The following MECOM variants were observed in gnomAD, a reference collection of about 807,000 sequenced individuals.
MECOM encodes the protein MDS1 and EVI1 complex locus.
In MECOM, 13 loss-of-function variants were observed where a neutral mutation model predicts 116.3. That is an observed-to-expected ratio of 0.11 (90% CI 0.07 to 0.18). The LOEUF (loss-of-function observed/expected upper bound fraction) is 0.18. Ranked by LOEUF, MECOM falls within the 10% of genes least tolerant of loss-of-function variation. The pLI is 1.00. For missense variants in MECOM, 1,299 were observed against 1,509.0 expected (o/e 0.86, Z 2.31); for synonymous variants, 528 against 535.2 (o/e 0.99, Z 0.19).
At chr3:169,477,583 C>A (rs530456016) in intron 1 of MECOM, among the ~76,000 whole-genome samples, 1 of 152,178 alleles carries the variant, frequency 6.6e-6, no homozygotes, top group South Asian at 2.1e-4. Context: ...AGAGGCTCTG[C>A]GTCCTGCTCC....
At chr3:169,313,031 A>G (rs1719094914) in intron 2 of MECOM, among the ~76,000 whole-genome samples, 1 of 152,364 alleles carries the variant, frequency 6.6e-6, no homozygotes, top group African/African-American at 2.4e-5. Flanking sequence ...AAAGAGGACA[A>G]GTAACCACAA....
chr3:169,622,438 A>G (rs190773354), intron 1 of MECOM, among the ~76,000 whole-genome samples: 1 of 152,312 alleles, frequency 6.6e-6, no homozygotes, highest in East Asian at 1.9e-4. Flanking sequence ...TTAGACTAAC[A>G]TCACTTCCAG....
chr3:169,599,984 TTTTCTGAGACAGGGCCTCGC>T (rs1767634431), intron 1 of MECOM, among the ~76,000 whole-genome samples: 1 of 152,164 alleles, frequency 6.6e-6, no homozygotes, highest in South Asian at 2.1e-4. Flanking sequence ...TTACTTTTTT[TTTTCTGAGACAGGGCCTCGC>T]TCTGTCCCCC....
chr3:169,234,770 C>A (rs896558569), intron 2 of MECOM, among the ~76,000 whole-genome samples: 2 of 152,128 alleles, frequency 1.3e-5, no homozygotes, highest in Non-Finnish European at 2.9e-5. Context: ...GCTTTCTTTG[C>A]CACTAATTGC....
chr3:169,312,009 G>A (rs1414823371), intron 2 of MECOM, among the ~76,000 whole-genome samples: 1 of 152,208 alleles, frequency 6.6e-6, no homozygotes, highest in African/African-American at 2.4e-5. Flanking sequence ...TAGGAGATGA[G>A]GTCAGAGAGG....
At chr3:169,184,269 G>C (rs1469375921) in intron 2 of MECOM, among the ~76,000 whole-genome samples, 5 of 152,132 alleles carry the variant, frequency 3.3e-5, no homozygotes, top group Non-Finnish European at 7.3e-5. Context: ...TTGCCTGGTA[G>C]AGAAGGTAGG....
chr3:169,380,155 C>G (rs1302800898), intron 2 of MECOM, among the ~76,000 whole-genome samples: 2 of 152,084 alleles, frequency 1.3e-5, no homozygotes, highest in East Asian at 3.9e-4. Flanking sequence ...TATTTAAAAG[C>G]TAACCAGATA....
At chr3:169,090,282 T>A (rs1165082434) in intron 14 of MECOM, 46 bp from the exon 15 acceptor site, 1 of 1,526,632 alleles carries the variant, frequency 6.6e-7, no homozygotes, top group East Asian at 2.2e-5. Context: ...GTTTCATTTT[T>A]AAAATTGTAA....
intron 1 of MECOM, among the ~76,000 whole-genome samples, chr3:169,643,546 G>A (rs911514808): frequency 3.9e-5 from 6 of 152,066 alleles, no homozygotes; most frequent in African/African-American, 1.2e-4. Context: ...AACCAATCTT[G>A]TTATTACTAC....
intron 1 of MECOM, among the ~76,000 whole-genome samples, chr3:169,445,288 C>A (rs1744435073): frequency 6.6e-6 from 1 of 152,064 alleles, no homozygotes; most frequent in Non-Finnish European, 1.5e-5. Context: ...TGGGTGGGCC[C>A]AGGGTCCCCA....
In MECOM at chr3:169,621,951, C is replaced by T. The variant is rs79303977; in HGVS notation, c.37+41385G>A. On this transcript the variant is annotated intron_variant, in intron 1 of 16. Coordinates refer to ENST00000651503, the MANE Select transcript of MECOM (RefSeq NM_004991.4). ...TATAAAAAGAAGAAAAACTTCCTTA[C>T]GACTCCAATCAAGAGACAAGACATG... is the stretch of plus-strand genomic sequence containing the variant. 3.0e-3 allele frequency among the ~76,000 whole-genome samples: 459 copies of T among 152,266 alleles called. 3 individuals are homozygous for T. The highest frequency in any genetic ancestry group is 0.011 in the African/African-American group (443 of 41,528).
In MECOM at chr3:169,132,743, C is replaced by A. The variant is rs939882110; in HGVS notation, c.511-1212G>T. On this transcript the variant is annotated intron_variant, in intron 3 of 16. Transcript: ENST00000651503. ...GAATGTCCACAAACAGAATCAATCT[C>A]TTTTTTCTTTTCTTTTTTTTTTTTT... Among the ~76,000 whole-genome samples the A allele has an allele frequency of 6.8e-5, 10 of 146,474 alleles. No homozygotes were observed. In the South Asian group the frequency reaches 1.3e-3, roughly 19 times the overall value.
chr3:169,323,899 T>A (rs1721347681), intron 2 of MECOM, among the ~76,000 whole-genome samples: 1 of 152,210 alleles, frequency 6.6e-6, no homozygotes, highest in Non-Finnish European at 1.5e-5. Context: ...AAATGTCTTC[T>A]TTCCCATGCA....
At position 169,598,149 on chromosome 3, in the gene MECOM, A is replaced by G. The variant is rs74662754; in HGVS notation, c.37+65187T>C. ...ATATTAAAAGATTCATAATAAGGGTACAAAAAATTCATTTTTCTCCTTCAC... is the reference window on the plus strand; with the variant it reads ...ATATTAAAAGATTCATAATAAGGGTGCAAAAAATTCATTTTTCTCCTTCAC... On this transcript the variant is annotated intron_variant, in intron 1 of 16. Transcript: ENST00000651503. 2.9e-4 allele frequency among the ~76,000 whole-genome samples: 44 copies of G among 152,374 alleles called. No homozygotes were observed. In the East Asian group the frequency reaches 6.2e-3, roughly 21 times the overall value.
At chr3:169,292,797 A>G (rs1714830883) in intron 2 of MECOM, among the ~76,000 whole-genome samples, 1 of 152,172 alleles carries the variant, frequency 6.6e-6, no homozygotes, top group African/African-American at 2.4e-5. Context: ...GGTATTGCAG[A>G]ATGTTTGCAG....
At chr3:169,558,195 T>A (rs1016630555) in intron 1 of MECOM, among the ~76,000 whole-genome samples, 1 of 152,232 alleles carries the variant, frequency 6.6e-6, no homozygotes, top group African/African-American at 2.4e-5. Flanking sequence ...AATGGCTTAT[T>A]TTCCTGCTCC....
At chr3:169,494,300 ACTAACAAGTTG>A (rs1483772655) in intron 1 of MECOM, among the ~76,000 whole-genome samples, 1 of 152,070 alleles carries the variant, frequency 6.6e-6, no homozygotes, top group East Asian at 1.9e-4. Context: ...TATTGGTAAA[ACTAACAAGTTG>A]ACAGTTCACA....
chr3:169,389,435 G>A, intron 1 of MECOM: 1 of 389,158 alleles, frequency 2.6e-6, no homozygotes, highest in Non-Finnish European at 3.5e-6. Context: ...ATATCCACTG[G>A]AATGACCAGG....
At chr3:169,149,687 G>T (rs933925879) in intron 2 of MECOM, 1 of 483,304 alleles carries the variant, frequency 2.1e-6, no homozygotes, top group Non-Finnish European at 4.1e-6. Context: ...CTATTCCTAC[G>T]TCTGAGCTTC....
Sources: gnomAD v4.1 joint callset for allele counts (sites outside exome capture counted in the v4.1 genomes callset) on GRCh38, gnomAD v4.1.1 for gene constraint, MANE v1.5 for transcripts, NCBI Gene and HGNC (gene_info 2026-07-23, HGNC 2026-07-21) for gene names.